TRAPPC9: variants seen among roughly 807,000 people sequenced by gnomAD.
TRAPPC9 encodes the protein trafficking protein particle complex subunit 9.
Under a neutral mutation model 124.0 loss-of-function variants are expected in TRAPPC9, and 83 were observed. The ratio of observed to expected loss-of-function variants is 0.67; its 90% CI spans 0.56 to 0.80. The LOEUF (loss-of-function observed/expected upper bound fraction) is 0.80, where lower values mean the gene tolerates loss of function less well. TRAPPC9 is among the 30% of genes least tolerant of loss of function. The pLI is 0.00. For missense variants in TRAPPC9, 1,302 were observed against 1,508.3 expected, an observed-to-expected ratio of 0.86 and a Z score of 2.27; for synonymous variants, 638 against 617.5, an observed-to-expected ratio of 1.03 and a Z score of -0.49.
rs938946723 is a variant in TRAPPC9, at chr8:140,082,961, G to A, written c.2557-58882C>T. ...TGTAATCCCAGCACTTTGGGTGGCC[G>A]AGGCAGGTGGATCACAAGGTCAAGA... On this transcript the variant is annotated intron_variant, in intron 17 of 22. Transcript: ENST00000438773. Among the ~76,000 whole-genome samples, 20 of 152,148 alleles carry A rather than the reference G, an allele frequency of 1.3e-4. 1 individual carries two copies. The highest frequency in any genetic ancestry group is 4.3e-4 in the African/African-American group (18 of 41,424).
At chr8:140,324,724 C>T (rs558346070) in intron 9 of TRAPPC9, among the ~76,000 whole-genome samples, 2 of 152,274 alleles carry the variant, frequency 1.3e-5, no homozygotes, top group East Asian at 3.9e-4. Flanking sequence ...AAGCCACGAT[C>T]GTGCCACTGC....
At chr8:140,201,992 TC>T (rs2062802003) in intron 17 of TRAPPC9, among the ~76,000 whole-genome samples, 1 of 152,128 alleles carries the variant, frequency 6.6e-6, no homozygotes, top group Non-Finnish European at 1.5e-5. Context: ...GGTTCCAGCA[TC>T]GTGGGAAAGA....
At chr8:139,949,540 T>C (rs1487854273) in intron 19 of TRAPPC9, among the ~76,000 whole-genome samples, 1 of 152,198 alleles carries the variant, frequency 6.6e-6, no homozygotes, top group Non-Finnish European at 1.5e-5. Context: ...GCAATATCCA[T>C]GTGATGGAAT....
chr8:139,844,130 T>A (rs1826913287), intron 21 of TRAPPC9, among the ~76,000 whole-genome samples: 1 of 152,050 alleles, frequency 6.6e-6, no homozygotes, highest in African/African-American at 2.4e-5. Context: ...CCCGCCAGAG[T>A]CATAGAGTGG....
At chr8:139,956,312 C>A (rs1433787128) in intron 19 of TRAPPC9, among the ~76,000 whole-genome samples, 1 of 152,196 alleles carries the variant, frequency 6.6e-6, no homozygotes, top group African/African-American at 2.4e-5. Flanking sequence ...CAGGCACCCA[C>A]CACCACGCCC....
intron 18 of TRAPPC9, among the ~76,000 whole-genome samples, chr8:139,997,872 CCCACACAGGGGAGACAATGCA>C (rs1838135427): frequency 7.7e-6 from 1 of 129,902 alleles, no homozygotes; most frequent in Non-Finnish European, 1.6e-5. Flanking sequence ...GACAATGCAT[CCCACACAGGGGAGACAATGCA>C]TCCCACACAG....
At chr8:140,376,011 A>G (rs1409451457) in intron 7 of TRAPPC9, among the ~76,000 whole-genome samples, 1 of 152,126 alleles carries the variant, frequency 6.6e-6, no homozygotes, top group African/African-American at 2.4e-5. Flanking sequence ...AATTATACAA[A>G]CTTTCCATAT....
intron 6 of TRAPPC9, among the ~76,000 whole-genome samples, chr8:140,400,219 C>T (rs187076942): frequency 6.6e-6 from 1 of 152,330 alleles, no homozygotes; most frequent in Admixed American, 6.5e-5. Context: ...CACCTCCCCA[C>T]CAAAGCCAGA....
chr8:140,005,199 T>C (rs760619366), intron 18 of TRAPPC9, among the ~76,000 whole-genome samples: 5 of 152,118 alleles, frequency 3.3e-5, no homozygotes, highest in African/African-American at 4.8e-5. Flanking sequence ...TTCTGAAACA[T>C]AGCACACCAA....
intron 8 of TRAPPC9, among the ~76,000 whole-genome samples, chr8:140,360,908 T>C (rs942763287): frequency 4.6e-5 from 7 of 152,154 alleles, no homozygotes; most frequent in Non-Finnish European, 8.8e-5. Flanking sequence ...CAACTACTTT[T>C]TTTTTTCCAG....
At chr8:140,138,563 T>G (rs2061339110) in intron 17 of TRAPPC9, among the ~76,000 whole-genome samples, 1 of 152,050 alleles carries the variant, frequency 6.6e-6, no homozygotes, top group South Asian at 2.1e-4. Flanking sequence ...TTGCTGGAAT[T>G]TATGGTAATT....
rs78407161 is a variant in TRAPPC9, at chr8:140,086,127, A to C, written c.2557-62048T>G. ...CCTCCTGAAGACTAAACCAGAAACA[A>C]AGCCTAACCAGGGCTTGGATCGTGT... On this transcript the variant is annotated intron_variant, in intron 17 of 22. Transcript: ENST00000438773. 2.2e-3 allele frequency among the ~76,000 whole-genome samples: 341 copies of C among 152,272 alleles called. 4 individuals carry two copies. The East Asian group carries it at 0.03, about 13-fold the overall frequency.
At chr8:139,877,013 T>C (rs554461473) in intron 21 of TRAPPC9, among the ~76,000 whole-genome samples, 1 of 152,312 alleles carries the variant, frequency 6.6e-6, no homozygotes, top group Non-Finnish European at 1.5e-5. Context: ...CGTTCCCACA[T>C]GTGCAGCCTT....
chr8:140,068,410 G>C (rs1460330743), intron 17 of TRAPPC9, among the ~76,000 whole-genome samples: 1 of 152,152 alleles, frequency 6.6e-6, no homozygotes, highest in Non-Finnish European at 1.5e-5. Flanking sequence ...AGAAGTCACA[G>C]TCACCTCGCA....
intron 9 of TRAPPC9, among the ~76,000 whole-genome samples, chr8:140,329,923 T>A (rs535277557): frequency 6.6e-6 from 1 of 151,892 alleles, no homozygotes; most frequent in South Asian, 2.1e-4. Context: ...ACTAAAAAAA[T>A]ACAAAAATTA....
rs968618512 is a variant in TRAPPC9 at position 139,742,475 on chromosome 8, C to A, written c.3056-10273G>T. Among the ~76,000 whole-genome samples, 9 of 152,176 alleles carry A rather than the reference C, an allele frequency of 5.9e-5. No individual in the cohort carries two copies. Among genetic ancestry groups the A allele is most frequent in the African/African-American group, 1.9e-4 (8 of 41,446 alleles). On this transcript the variant is annotated intron_variant, in intron 21 of 22. Transcript: ENST00000438773. The surrounding 1 kb of genome is among the most constrained non-coding windows in gnomAD (Gnocchi z 4.7). ...TTGGAGCCTGGGGCCAGACAGCAGG[C>A]CAGGGCTGAAGCTGGAAGTCTCTTC...
At chr8:139,943,353 C>T (rs1834025446) in intron 19 of TRAPPC9, among the ~76,000 whole-genome samples, 1 of 152,220 alleles carries the variant, frequency 6.6e-6, no homozygotes, top group Non-Finnish European at 1.5e-5. Flanking sequence ...AGGCATGAAC[C>T]ACTGTGCCCA....
intron 2 of TRAPPC9, among the ~76,000 whole-genome samples, chr8:140,442,511 T>C (rs1212884066): frequency 6.7e-6 from 1 of 149,854 alleles, no homozygotes; most frequent in East Asian, 2.0e-4. Context: ...GGCAGGAGAA[T>C]GGTGTGAACC....
rs752849141 is a variant in TRAPPC9, at chr8:140,311,307, G to A, written c.1563C>T (p.Ile521=). ...GCAGGGTGAGGCCGCCAGGGAGGGC[G>A]ATGGGCTCCATGGTCCCAGGACACT... is the stretch of plus-strand genomic sequence containing the variant. ...TSKCPGTMEP[I]ALPGGLTLPP... Residue 521 remains isoleucine, a synonymous_variant, in exon 10 of 23, where the codon ATC becomes ATT. Transcript: ENST00000438773. The A allele has an allele frequency of 7.4e-6, 12 of 1,613,834 alleles. No homozygotes were observed. Among genetic ancestry groups the A allele is most frequent in the South Asian group, 3.3e-5 (3 of 91,086 alleles).
Sources: allele counts gnomAD v4.1 joint callset (sites outside exome capture counted in the v4.1 genomes callset), GRCh38; gene constraint gnomAD v4.1.1; non-coding constraint Gnocchi (gnomAD v3.1); transcripts MANE v1.5; gene names NCBI Gene and HGNC (gene_info 2026-07-23, HGNC 2026-07-21).